The following CFAP299 variants were observed in gnomAD, a reference collection of about 807,000 sequenced individuals.
The protein encoded by CFAP299 is cilia and flagella associated protein 299.
In CFAP299, 21 loss-of-function variants were observed where a neutral mutation model predicts 27.0. The ratio of observed to expected loss-of-function variants is 0.78; its 90% confidence interval spans 0.55 to 1.12. The LOEUF is 1.12. Ranked by LOEUF, CFAP299 falls within the 50% of genes most tolerant of loss-of-function variation. The pLI is 0.00. For missense variants in CFAP299, 310 were observed against 276.6 expected, an observed-to-expected ratio of 1.12 and a Z score of -0.86; for synonymous variants, 104 against 98.1, an observed-to-expected ratio of 1.06 and a Z score of -0.36.
intron 2 of CFAP299, among the ~76,000 whole-genome samples, chr4:80,491,477 T>C (rs897830400): frequency 6.6e-6 from 1 of 152,162 alleles, no homozygotes; most frequent in Non-Finnish European, 1.5e-5. Context: ...TTACAGATAA[T>C]ATAGCCGATT....
intron 3 of CFAP299, among the ~76,000 whole-genome samples, chr4:80,811,119 T>C (rs1729130669): frequency 6.6e-6 from 1 of 152,096 alleles, no homozygotes; most frequent in Non-Finnish European, 1.5e-5. Flanking sequence ...TTAAACATTA[T>C]GAATAATTAA....
At chr4:80,446,511 ATCCTC>A (rs1728621707) in intron 2 of CFAP299, among the ~76,000 whole-genome samples, 1 of 152,170 alleles carries the variant, frequency 6.6e-6, no homozygotes, top group African/African-American at 2.4e-5. Flanking sequence ...CCATAATTCT[ATCCTC>A]TACTTAAGTA....
intron 4 of CFAP299, among the ~76,000 whole-genome samples, chr4:80,909,973 A>C (rs1256210108): frequency 1.3e-5 from 2 of 152,124 alleles, no homozygotes; most frequent in Non-Finnish European, 2.9e-5. Flanking sequence ...GCTTGAATTA[A>C]CTCATGCTTT....
rs557634880 is a variant in CFAP299 at position 80,637,403 on chromosome 4, C to T, written c.333+54220C>T. Among the ~76,000 whole-genome samples the T allele has an allele frequency of 9.4e-4, 143 of 152,266 alleles. 2 individuals are homozygous for T. Among genetic ancestry groups the T allele is most frequent in the Non-Finnish European group, 1.3e-3 (86 of 68,022 alleles). On this transcript the variant is annotated intron_variant, in intron 3 of 5. Transcript: ENST00000358105. ...AATGGTTGTCAATGCCTGTGCATTT[C>T]CTTGACAGATTATGCCAGACTGCAC...
At chr4:80,552,430 C>T (rs1178437940) in intron 2 of CFAP299, among the ~76,000 whole-genome samples, 1 of 152,104 alleles carries the variant, frequency 6.6e-6, no homozygotes. Context: ...GCCAGTAACC[C>T]TGAGCCAGCC....
At chr4:80,655,807 G>C (rs1472918328) in intron 3 of CFAP299, among the ~76,000 whole-genome samples, 1 of 152,030 alleles carries the variant, frequency 6.6e-6, no homozygotes, top group Non-Finnish European at 1.5e-5. Context: ...AGGAAAACTG[G>C]GAAGCTGCCA....
intron 2 of CFAP299, among the ~76,000 whole-genome samples, chr4:80,526,710 C>G (rs567148756): frequency 8.5e-5 from 13 of 152,064 alleles, no homozygotes; most frequent in African/African-American, 2.6e-4. Flanking sequence ...TACTTTGATT[C>G]TAATTAAAAT....
At chr4:80,343,799 T>TG (rs1722590950) in intron 1 of CFAP299, among the ~76,000 whole-genome samples, 1 of 75,356 alleles carries the variant, frequency 1.3e-5, no homozygotes, top group African/African-American at 6.0e-5. Context: ...AGACTCCGTC[T>TG]AAAAAAAAAA....
chr4:80,651,654 C>T (rs955989120), intron 3 of CFAP299, among the ~76,000 whole-genome samples: 4 of 150,618 alleles, frequency 2.7e-5, no homozygotes, highest in Admixed American at 6.7e-5. Flanking sequence ...AATGAGCCAC[C>T]GTGCCCGGGC....
intron 3 of CFAP299, among the ~76,000 whole-genome samples, chr4:80,629,204 G>A (rs952043295): frequency 4.6e-5 from 7 of 152,096 alleles, no homozygotes; most frequent in African/African-American, 1.7e-4. Context: ...TGAAATAGGC[G>A]GGGCACAGAA....
At chr4:80,552,776 C>G (rs1264816055) in intron 2 of CFAP299, among the ~76,000 whole-genome samples, 1 of 152,084 alleles carries the variant, frequency 6.6e-6, no homozygotes, top group Non-Finnish European at 1.5e-5. Context: ...CAGCCTCATA[C>G]TCCTTCACTC....
intron 2 of CFAP299, among the ~76,000 whole-genome samples, chr4:80,523,696 G>A (rs929968769): frequency 1.3e-5 from 2 of 152,094 alleles, no homozygotes; most frequent in Admixed American, 6.6e-5. Flanking sequence ...ATTAACATCC[G>A]TATTCTCAGG....
At position 80,935,834 on chromosome 4, in the gene CFAP299, C is replaced by A. The variant is rs190221054; in HGVS notation, c.477-8976C>A. On this transcript the variant is annotated intron_variant, in intron 4 of 5. Coordinates refer to ENST00000358105, the MANE Select transcript of CFAP299 (RefSeq NM_152770.3). Reference sequence around the variant, plus strand: ...AGTATGCATCTGACAAAGGTTCTATCCATTATCTAAAAGGAACTTAAATTT... The same window carrying A: ...AGTATGCATCTGACAAAGGTTCTATACATTATCTAAAAGGAACTTAAATTT... Among the ~76,000 whole-genome samples, 617 of 152,064 alleles carry A rather than the reference C, an allele frequency of 4.1e-3. 1 individual carries two copies. Among genetic ancestry groups the A allele is most frequent in the Middle Eastern group, 0.014 (4 of 294 alleles).
At chr4:80,508,788 G>A (rs1286105234) in intron 2 of CFAP299, among the ~76,000 whole-genome samples, 1 of 152,084 alleles carries the variant, frequency 6.6e-6, no homozygotes, top group East Asian at 1.9e-4. Flanking sequence ...GAAATCCTAG[G>A]CTCAAGCAAT....
chr4:80,868,905 C>CTCTGTGTG lies in CFAP299; in HGVS notation c.334-1087_334-1086insCTGTGTGT, dbSNP rs1435285713. Among the ~76,000 whole-genome samples the CTCTGTGTG allele has an allele frequency of 5.1e-3, 697 of 137,666 alleles. 7 individuals carry two copies. Among genetic ancestry groups the CTCTGTGTG allele is most frequent in the African/African-American group, 0.016 (591 of 36,382 alleles). The allele number at this position is 137,666 out of a possible 152,430, so 90.3% of individuals were successfully genotyped here. A position where few individuals can be genotyped will look rare whatever the true frequency, so the allele number is the denominator to read the frequency against. ...ATTCCATGGGTGGGGGCTTCTCTCTCTGTGTGTGTGTGTGTGTGTGTGTGT... is the reference window on the plus strand; with the variant it reads ...ATTCCATGGGTGGGGGCTTCTCTCTCTCTGTGTGTGTGTGTGTGTGTGTGTGTGTGTGT... On this transcript the variant is annotated intron_variant, in intron 3 of 5. Coordinates refer to ENST00000358105, the MANE Select transcript of CFAP299 (RefSeq NM_152770.3).
At chr4:80,833,271 T>C (rs1375631058) in intron 3 of CFAP299, among the ~76,000 whole-genome samples, 1 of 152,188 alleles carries the variant, frequency 6.6e-6, no homozygotes, top group Non-Finnish European at 1.5e-5. Flanking sequence ...ATTATATTAA[T>C]GTTTCTGAGC....
chr4:80,436,297 C>CTT (rs781551098), intron 2 of CFAP299, among the ~76,000 whole-genome samples: 36 of 136,374 alleles, frequency 2.6e-4, no homozygotes, highest in Non-Finnish European at 4.0e-4. Context: ...TGTGGGATAT[C>CTT]TTTTTTTTTT....
At chr4:80,590,058 C>G (rs1450529631) in intron 3 of CFAP299, among the ~76,000 whole-genome samples, 1 of 151,928 alleles carries the variant, frequency 6.6e-6, no homozygotes, top group Admixed American at 6.6e-5. Flanking sequence ...AACATAAGAA[C>G]AGGTTGTTGT....
intron 2 of CFAP299, among the ~76,000 whole-genome samples, chr4:80,496,148 C>T (rs1731428436): frequency 1.3e-5 from 2 of 152,180 alleles, no homozygotes; most frequent in Admixed American, 1.3e-4. Context: ...AATTCCTCTC[C>T]CTAGAAAGCT....
Sources: allele counts gnomAD v4.1 joint callset (sites outside exome capture counted in the v4.1 genomes callset), GRCh38; gene constraint gnomAD v4.1.1; transcripts MANE v1.5; gene names NCBI Gene and HGNC (gene_info 2026-07-23, HGNC 2026-07-21).